PTPRG: variants seen among roughly 807,000 people sequenced by gnomAD.
PTPRG encodes the protein receptor-type tyrosine-protein phosphatase gamma.
A neutral mutation model predicts 165.3 loss-of-function variants in PTPRG; 102 were observed. That is an observed-to-expected ratio of 0.62 (90% CI 0.53 to 0.73). The LOEUF (loss-of-function observed/expected upper bound fraction) is 0.73, where lower values mean the gene tolerates loss of function less well. Ranked by LOEUF, PTPRG falls within the 30% of genes least tolerant of loss-of-function variation. The pLI is 0.00. For synonymous variants in PTPRG, 675 were observed against 669.5 expected (o/e 1.01, Z -0.13); for missense variants, 1,866 against 1,861.4 (o/e 1.00, Z -0.05).
chr3:62,040,946 A>G (rs1361155539), intron 4 of PTPRG, among the ~76,000 whole-genome samples: 2 of 152,198 alleles, frequency 1.3e-5, no homozygotes, highest in Non-Finnish European at 2.9e-5. Context: ...CATGGGAGAC[A>G]GACATAGAGG....
intron 2 of PTPRG, among the ~76,000 whole-genome samples, chr3:61,812,009 G>C (rs879376537): frequency 2.6e-5 from 4 of 152,154 alleles, no homozygotes; most frequent in Non-Finnish European, 5.9e-5. Flanking sequence ...TCAAAAAAAG[G>C]CTTTTATTTC....
intron 26 of PTPRG, among the ~76,000 whole-genome samples, chr3:62,278,264 A>G (rs576562296): frequency 6.6e-6 from 1 of 151,698 alleles, no homozygotes; most frequent in African/African-American, 2.4e-5. Flanking sequence ...ATATTGTATC[A>G]AAAGTACTAA....
chr3:61,585,940 G>C (rs969899382), intron 1 of PTPRG, among the ~76,000 whole-genome samples: 5 of 152,290 alleles, frequency 3.3e-5, no homozygotes, highest in South Asian at 2.1e-4. Context: ...AGGTGCTGCT[G>C]CCTACCTTGG....
At chr3:61,700,383 T>C (rs1289442897) in intron 1 of PTPRG, among the ~76,000 whole-genome samples, 1 of 152,196 alleles carries the variant, frequency 6.6e-6, no homozygotes, top group Non-Finnish European at 1.5e-5. Context: ...GTAAGATTTC[T>C]CACAGTCCTG....
chr3:62,260,984 T>C (rs1321930894), intron 16 of PTPRG: 1 of 152,200 alleles, frequency 6.6e-6, no homozygotes, highest in Non-Finnish European at 1.5e-5. Flanking sequence ...AGTTTGGCCA[T>C]ATTGAATGAC....
At chr3:61,644,175 G>C (rs1380025467) in intron 1 of PTPRG, among the ~76,000 whole-genome samples, 1 of 152,206 alleles carries the variant, frequency 6.6e-6, no homozygotes, top group Non-Finnish European at 1.5e-5. Flanking sequence ...TCAGGCCTCT[G>C]TCTTTTCAGC....
intron 1 of PTPRG, among the ~76,000 whole-genome samples, chr3:61,614,767 TA>T (rs1302007311): frequency 1.3e-5 from 2 of 152,234 alleles, no homozygotes; most frequent in African/African-American, 4.8e-5. Flanking sequence ...ATGAATGAAT[TA>T]AAATATAGAA....
At chr3:61,732,255 C>CT (rs1220167103) in intron 1 of PTPRG, among the ~76,000 whole-genome samples, 3 of 152,102 alleles carry the variant, frequency 2.0e-5, no homozygotes, top group Non-Finnish European at 2.9e-5. Context: ...GATATTTTGC[C>CT]TTTTTGTTTC....
chr3:61,656,946 G>C (rs968799760), intron 1 of PTPRG, among the ~76,000 whole-genome samples: 2 of 152,190 alleles, frequency 1.3e-5, no homozygotes, highest in African/African-American at 4.8e-5. Flanking sequence ...GTGTAGGGGA[G>C]AGAAGATTCC....
chr3:62,096,333 A>C (rs1158609561), intron 5 of PTPRG, among the ~76,000 whole-genome samples: 1 of 152,204 alleles, frequency 6.6e-6, no homozygotes. Flanking sequence ...GCTGCTCACT[A>C]TCAGGTTTAT....
chr3:61,678,573 C>T (rs945817815), intron 1 of PTPRG, among the ~76,000 whole-genome samples: 7 of 152,108 alleles, frequency 4.6e-5, no homozygotes, highest in Non-Finnish European at 8.8e-5. Flanking sequence ...CAGCTCGGAG[C>T]ATCCCCAGAC....
At chr3:61,689,809 A>G (rs1335934256) in intron 1 of PTPRG, among the ~76,000 whole-genome samples, 1 of 152,242 alleles carries the variant, frequency 6.6e-6, no homozygotes, top group African/African-American at 2.4e-5. Flanking sequence ...CTCATTTTGC[A>G]GTGTTCTTAT....
In PTPRG at chr3:62,295,593, C is replaced by T. The variant is rs528665421; in HGVS notation, c.*2286C>T. 1.8e-4 allele frequency: 27 copies of T among 152,012 alleles called. No homozygotes were observed. Among genetic ancestry groups the T allele is most frequent in the African/African-American group, 6.0e-4 (25 of 41,500 alleles). 9.4% of individuals were successfully genotyped at this position (152,012 alleles called of 1,614,324 possible). A position where few individuals can be genotyped will look rare whatever the true frequency, so the allele number is the denominator to read the frequency against. Reference sequence around the variant, plus strand: ...GTCCCTTACAGTGGTTTCAGAATCACGAAAAAACAGCTAGTAAATAGGATA... The same window carrying T: ...GTCCCTTACAGTGGTTTCAGAATCATGAAAAAACAGCTAGTAAATAGGATA... On this transcript the variant is annotated 3_prime_UTR_variant, in exon 30 of 30. Transcript: ENST00000474889.
At chr3:61,738,078 T>A (rs973559454) in intron 1 of PTPRG, among the ~76,000 whole-genome samples, 1 of 149,628 alleles carries the variant, frequency 6.7e-6, no homozygotes, top group African/African-American at 2.4e-5. Context: ...CCGGCTAATT[T>A]TTTTTGTATT....
At chr3:62,005,731 C>T (rs1415071770) in intron 4 of PTPRG, among the ~76,000 whole-genome samples, 11 of 109,788 alleles carry the variant, frequency 1.0e-4, no homozygotes, top group African/African-American at 3.8e-4. Context: ...GATGGAGTCT[C>T]ACTCTGTTGC....
At chr3:62,054,315 G>A (rs7616091) in intron 4 of PTPRG, among the ~76,000 whole-genome samples, 117,779 of 152,140 alleles carry the variant, frequency 0.77, 46,026 homozygotes, top group South Asian at 0.87. Flanking sequence ...GTTAGCTACT[G>A]TTTTGAATAA....
intron 2 of PTPRG, among the ~76,000 whole-genome samples, chr3:61,799,945 A>C (rs534399014): frequency 6.6e-6 from 1 of 152,302 alleles, no homozygotes; most frequent in East Asian, 1.9e-4. Context: ...ATGGACACTA[A>C]AGCCAGACTA....
Position 61,867,393 on chromosome 3 carries a change from A to T in PTPRG, c.190+118411A>T, listed in dbSNP as rs375061175. On this transcript the variant is annotated intron_variant, in intron 2 of 29. Transcript: ENST00000474889. ...GGGTAACTGGTTAGTGTAAGAGGCT[A>T]TGTGTGTGTAGCTGAAGTTGATCAC... 8.1e-4 allele frequency among the ~76,000 whole-genome samples: 123 copies of T among 152,272 alleles called. 1 individual carries two copies. Among genetic ancestry groups the T allele is most frequent in the African/African-American group, 2.6e-3 (110 of 41,552 alleles).
chr3:61,623,831 A>G (rs1202830563), intron 1 of PTPRG, among the ~76,000 whole-genome samples: 2 of 152,192 alleles, frequency 1.3e-5, no homozygotes, highest in Admixed American at 1.3e-4. Flanking sequence ...GATTATAACT[A>G]TCACTTGAAG....
Sources: gnomAD v4.1 joint callset for allele counts (sites outside exome capture counted in the v4.1 genomes callset) on GRCh38, gnomAD v4.1.1 for gene constraint, MANE v1.5 for transcripts, NCBI Gene and HGNC (gene_info 2026-07-23, HGNC 2026-07-21) for gene names.